Variants in MTMR1 observed in about 807,000 individuals in gnomAD.
The protein encoded by MTMR1 is myotubularin related protein 1, also known as phosphatidylinositol-3-phosphate phosphatase MTMR1.
In MTMR1, 17 loss-of-function variants were observed where a neutral mutation model predicts 51.6. The observed-to-expected ratio is 0.33, with a 90% confidence interval of 0.23 to 0.49. The LOEUF is 0.49. MTMR1 is among the 20% of genes least tolerant of loss of function. The pLI, the probability that MTMR1 is intolerant of heterozygous loss-of-function variation, is 0.99. For missense variants in MTMR1, 386 were observed against 526.9 expected (o/e 0.73, Z 2.62); for synonymous variants, 201 against 205.6 (o/e 0.98, Z 0.19).
intron 14 of MTMR1, among the ~76,000 whole-genome samples, chrX:150,751,919 T>C (rs1264638321): frequency 4.4e-5 from 4 of 91,847 alleles, no homozygotes; most frequent in Non-Finnish European, 6.3e-5. Context: ...TCTTTTTTTT[T>C]TTTTTTTTTT....
At chrX:150,698,667 T>A (rs2040773047) in intron 1 of MTMR1, among the ~76,000 whole-genome samples, 1 of 84,517 alleles carries the variant, frequency 1.2e-5, no homozygotes, top group Admixed American at 1.4e-4. Flanking sequence ...CAAAACCCTG[T>A]CTACACGCGC....
At chrX:150,758,767 G>A (rs138247289) in intron 15 of MTMR1, among the ~76,000 whole-genome samples, 8,206 of 106,484 alleles carry the variant, frequency 0.077, 400 homozygotes, top group African/African-American at 0.17. Flanking sequence ...CTGCATTCCA[G>A]CCTGGGCGAC....
chrX:150,727,599 A>G, intron 5 of MTMR1, 85 bp from the exon 6 acceptor site: 1 of 741,151 alleles, frequency 1.3e-6, no homozygotes, highest in African/African-American at 2.1e-5. Flanking sequence ...AAGTAAACAA[A>G]CATGTTTTGT....
intron 2 of MTMR1, among the ~76,000 whole-genome samples, chrX:150,706,141 T>C (rs2041093020): frequency 9.0e-6 from 1 of 111,477 alleles, no homozygotes; most frequent in Non-Finnish European, 1.9e-5. Flanking sequence ...CATGGCAAGA[T>C]AGAGCAAACC....
intron 10 of MTMR1, 23 bp from the exon 11 acceptor site, chrX:150,736,572 T>C: frequency 8.4e-7 from 1 of 1,183,880 alleles, no homozygotes; most frequent in Non-Finnish European, 1.1e-6. Flanking sequence ...GATAATGTGA[T>C]GTATTTGTTT....
At chrX:150,732,819 C>T (rs2042157386) in intron 10 of MTMR1, 89 bp downstream of exon 10, 1 of 885,546 alleles carries the variant, frequency 1.1e-6, no homozygotes, top group African/African-American at 2.0e-5. Context: ...CATTGATTTC[C>T]TCACCACCTG....
intron 3 of MTMR1, chrX:150,714,543 C>T (rs782360370): frequency 5.3e-5 from 52 of 972,854 alleles, no homozygotes; most frequent in African/African-American, 1.2e-4. Context: ...GCAAGTTCTA[C>T]GTGTTCATCT....
At chrX:150,722,684 G>A (rs1324667810) in intron 4 of MTMR1, among the ~76,000 whole-genome samples, 2 of 110,443 alleles carry the variant, frequency 1.8e-5, no homozygotes, top group Admixed American at 9.7e-5. Flanking sequence ...GACAATCTCT[G>A]CCTTCTAATT....
At position 150,762,849 on chromosome X, in the gene MTMR1, G is replaced by C. The variant is rs1364882859; in HGVS notation, c.*120G>C. Reference sequence around the variant, plus strand: ...TTAGGATTAGGCCCAGGGACCATTTGTGTGGCTAGGTGACAGCTCCCACTG... The same window carrying C: ...TTAGGATTAGGCCCAGGGACCATTTCTGTGGCTAGGTGACAGCTCCCACTG... On this transcript the variant is annotated 3_prime_UTR_variant, in exon 16 of 16. Transcript: ENST00000445323. 2.5e-6 allele frequency: 2 copies of C among 808,343 alleles called. No individual in the cohort carries two copies. Among genetic ancestry groups the C allele is most frequent in the Non-Finnish European group, 3.3e-6 (2 of 611,787 alleles). 66.6% of individuals were successfully genotyped at this position (808,343 alleles called of 1,213,427 possible).
rs781817249 is a variant in MTMR1, at chrX:150,737,317, G to A, written c.1342G>A (p.Asp448Asn). ...GKTSVVVHCS[D>N]GWDRTAQLTS... The stretch of plus-strand genomic sequence containing the variant: ...AACATCTGTGGTGGTGCATTGCAGC[G>A]ACGGTTGGGACCGAACAGCCCAGCT... The change falls in exon 12 of 16, where the codon GAC becomes AAC. Residue 448 changes from aspartate (D) to asparagine (N), a missense_variant. Asp to Asn is a conservative substitution (Grantham distance 23). Transcript: ENST00000445323. 1.7e-6 allele frequency: 2 copies of A among 1,209,671 alleles called. No individual in the cohort carries two copies. Among genetic ancestry groups the A allele is most frequent in the Non-Finnish European group, 2.2e-6 (2 of 895,046 alleles).
In MTMR1 at chrX:150,712,957, C is replaced by T. The variant is rs1365826823; in HGVS notation, c.276+592C>T. 3.2e-6 allele frequency: 3 copies of T among 943,156 alleles called. No individual in the cohort carries two copies. The African/African-American group carries it at 6.2e-5, about 19-fold the overall frequency. The allele number at this position is 943,156 out of a possible 1,213,427, so 77.7% of individuals were successfully genotyped here. ...CCTTTATTTCAGAACATTCATAAAG[C>T]AAGACAAAGATTGGTAATGTGCATG... On this transcript the variant is annotated intron_variant, in intron 3 of 15. Coordinates refer to ENST00000445323, the MANE Select transcript of MTMR1 (RefSeq NM_001306144.3).
chrX:150,730,985 C>T (rs1357537692), intron 8 of MTMR1, among the ~76,000 whole-genome samples: 2 of 112,194 alleles, frequency 1.8e-5, no homozygotes, highest in African/African-American at 6.5e-5. Context: ...CCAGTGTTCC[C>T]GGGTCTGGGA....
chrX:150,759,444 CAGAA>C (rs1557417887), intron 15 of MTMR1, among the ~76,000 whole-genome samples: 35 of 111,771 alleles, frequency 3.1e-4, no homozygotes, highest in African/African-American at 1.1e-3. Context: ...GAAAATCCAA[CAGAA>C]CCATGCCTGA....
chrX:150,753,236 G>A (rs1210622120), intron 14 of MTMR1, among the ~76,000 whole-genome samples: 1 of 112,300 alleles, frequency 8.9e-6, no homozygotes, highest in African/African-American at 3.2e-5. Flanking sequence ...CCATTCATTG[G>A]TTGATAGAAA....
At chrX:150,716,326 A>C (rs962031458) in intron 3 of MTMR1, among the ~76,000 whole-genome samples, 2 of 112,896 alleles carry the variant, frequency 1.8e-5, no homozygotes, top group Admixed American at 1.9e-4. Flanking sequence ...CAGAGTTTCA[A>C]ATTAAGGCTT....
Position 150,763,744 on chromosome X carries a change from G to A in MTMR1, c.*1015G>A, listed in dbSNP as rs371912937. 6.2e-5 allele frequency: 7 copies of A among 112,826 alleles called. No homozygotes were observed. The South Asian group carries it at 1.8e-3, about 29-fold the overall frequency. 9.3% of individuals were successfully genotyped at this position (112,826 alleles called of 1,213,427 possible). ...CTGTTCATATTTGAAAGCAGCCACC[G>A]TGCTGTGGCTTTGGTTTGGAAAAGC... On this transcript the variant is annotated 3_prime_UTR_variant, in exon 16 of 16. Coordinates refer to ENST00000445323, the MANE Select transcript of MTMR1 (RefSeq NM_001306144.3).
intron 12 of MTMR1, among the ~76,000 whole-genome samples, chrX:150,740,224 C>T (rs868991024): frequency 8.9e-6 from 1 of 111,956 alleles, no homozygotes; most frequent in Non-Finnish European, 1.9e-5. Flanking sequence ...CTATTTCTCT[C>T]CTTCCAGACT....
At chrX:150,740,851 G>C (rs782126954) in intron 12 of MTMR1, among the ~76,000 whole-genome samples, 20 of 110,293 alleles carry the variant, frequency 1.8e-4, no homozygotes, top group Non-Finnish European at 3.6e-4. Flanking sequence ...GGAAGCAAGA[G>C]AGAGGGGAGA....
chrX:150,738,719 C>A (rs782115980), intron 12 of MTMR1, among the ~76,000 whole-genome samples: 2 of 111,680 alleles, frequency 1.8e-5, no homozygotes, highest in African/African-American at 6.5e-5. Flanking sequence ...TGGCTTAGGG[C>A]TGACTTCAAT....
Sources: gnomAD v4.1 joint callset for allele counts (sites outside exome capture counted in the v4.1 genomes callset) on GRCh38, gnomAD v4.1.1 for gene constraint, MANE v1.5 for transcripts, NCBI Gene and HGNC (gene_info 2026-07-23, HGNC 2026-07-21) for gene names.